Variants in RSPH3 observed in about 807,000 individuals in gnomAD.
The protein encoded by RSPH3 is radial spoke head protein 3 homolog.
Under a neutral mutation model 43.8 loss-of-function variants are expected in RSPH3, and 21 were observed. The observed-to-expected ratio is 0.48, with a 90% confidence interval of 0.34 to 0.69. The LOEUF (loss-of-function observed/expected upper bound fraction) is 0.69. Ranked by LOEUF, RSPH3 falls within the 30% of genes least tolerant of loss-of-function variation. The pLI is 0.01. For synonymous variants in RSPH3, 173 were observed against 179.8 expected (o/e 0.96, Z 0.30); for missense variants, 487 against 516.0 (o/e 0.94, Z 0.54).
At chr6:158,967,880 T>C (rs747341993), downstream of RSPH3, among the ~76,000 whole-genome samples, 39 of 152,248 alleles carry the variant, frequency 2.6e-4, no homozygotes, top group Admixed American at 1.9e-3. Context: ...CTGAGATTAA[T>C]GTAGCTACCC....
Position 158,980,892 on chromosome 6 carries a change from G to T in RSPH3, c.741C>A (p.Asn247Lys), listed in dbSNP as rs567118747. 2 of 1,614,102 alleles carry T rather than the reference G, an allele frequency of 1.2e-6. No homozygotes were observed. The highest frequency in any genetic ancestry group is 1.7e-5 in the Admixed American group (1 of 60,018). The change falls in exon 6 of 8, where the codon AAC becomes AAA. Residue 247 changes from asparagine to lysine, a missense_variant. By Grantham distance (94) the Asn-to-Lys change is moderately conservative. Coordinates refer to ENST00000367069, the MANE Select transcript of RSPH3 (RefSeq NM_031924.8). ...KQQWEIMHKH[N>K]ETSQKIAARA... The stretch of plus-strand genomic sequence containing the variant: ...GGGCGGCGATTTTTTGTGATGTCTC[G>T]TTGTGCTTGTGCATTATTTCCCACT...
chr6:158,979,307 T>C (rs777219808), intron 6 of RSPH3, among the ~76,000 whole-genome samples: 16 of 152,216 alleles, frequency 1.1e-4, no homozygotes, highest in Non-Finnish European at 1.6e-4. Context: ...AATTTTTATC[T>C]CAGGTATGAA....
chr6:158,977,210 AC>A lies in RSPH3; in HGVS notation c.*327del, dbSNP rs1777872601. On this transcript the variant is annotated 3_prime_UTR_variant, in exon 8 of 8. Transcript: ENST00000367069. ...ATATTGAACATTAAATATCATACTT[AC>A]TAAAAAAAACTAACCCGCAAAATTA... is the stretch of plus-strand genomic sequence containing the variant. 4.0e-6 allele frequency: 1 copy of A among 251,874 alleles called. No homozygotes were observed. Among genetic ancestry groups the A allele is most frequent in the African/African-American group, 2.3e-5 (1 of 44,272 alleles). The allele number at this position is 251,874 out of a possible 1,614,324, so 15.6% of individuals were successfully genotyped here.
chr6:158,982,762 G>C (rs1644123665), intron 4 of RSPH3, 74 bp from the exon 5 acceptor site: 6 of 857,964 alleles, frequency 7.0e-6, no homozygotes, highest in Non-Finnish European at 9.3e-6. Flanking sequence ...ATAATGAATA[G>C]CAATAACAAG....
At chr6:158,986,881 T>G (rs1053361929) in intron 2 of RSPH3, among the ~76,000 whole-genome samples, 4 of 152,196 alleles carry the variant, frequency 2.6e-5, no homozygotes, top group African/African-American at 9.7e-5. Context: ...TGGCCTAAGA[T>G]ATGGTCTATT....
At chr6:158,992,050 GTTTT>G (rs1214613827) in intron 2 of RSPH3, among the ~76,000 whole-genome samples, 2 of 113,810 alleles carry the variant, frequency 1.8e-5, no homozygotes, top group African/African-American at 6.5e-5. Context: ...AATGAGCACT[GTTTT>G]TTTTTTTTTT....
chr6:158,966,958 T>C, the RSPH3 span, among the ~76,000 whole-genome samples: 2 of 152,146 alleles, frequency 1.3e-5, no homozygotes, highest in Admixed American at 6.5e-5. Context: ...CTTTCAGAGT[T>C]ATAAATTTCT....
chr6:158,987,461 C>T (rs1015680853), intron 2 of RSPH3, among the ~76,000 whole-genome samples: 1 of 152,126 alleles, frequency 6.6e-6, no homozygotes, highest in African/African-American at 2.4e-5. Context: ...CTCTTACATT[C>T]AGTGTTATTA....
At chr6:158,980,959 T>C (rs1281656425) in intron 5 of RSPH3, 23 bp from the exon 6 acceptor site, 1 of 1,612,094 alleles carries the variant, frequency 6.2e-7, no homozygotes, top group South Asian at 1.1e-5. Context: ...ACAGAGGTGG[T>C]TATTTAGCTC....
intron 5 of RSPH3, among the ~76,000 whole-genome samples, chr6:158,982,044 C>T (rs571719407): frequency 3.9e-5 from 6 of 152,102 alleles, no homozygotes; most frequent in Non-Finnish European, 5.9e-5. Flanking sequence ...GCCTGGTCAC[C>T]GAGAAAAAGA....
intron 5 of RSPH3, among the ~76,000 whole-genome samples, chr6:158,981,989 G>A (rs140468035): frequency 1.1e-3 from 170 of 151,298 alleles, no homozygotes; most frequent in Admixed American, 2.2e-3. Flanking sequence ...AATATTCTAC[G>A]AGAACCCAAA....
chr6:158,983,333 C>G (rs10455773), intron 4 of RSPH3, among the ~76,000 whole-genome samples: 2,710 of 151,934 alleles, frequency 0.018, 34 homozygotes, highest in Middle Eastern at 0.024. Flanking sequence ...ATTTTTTATA[C>G]CAGGGATATT....
In RSPH3 at chr6:158,977,788, T is replaced by A. The variant is rs748358728; in HGVS notation, c.1007A>T (p.His336Leu). 1 of 1,614,230 alleles carries A rather than the reference T, an allele frequency of 6.2e-7. No individual in the cohort carries two copies. Among genetic ancestry groups the A allele is most frequent in the South Asian group, 1.1e-5 (1 of 91,080 alleles). The change falls in exon 8 of 8, where the codon CAT becomes CTT. Residue 336 changes from histidine to leucine, a missense_variant. Physicochemically the swap from His to Leu is moderately conservative, Grantham distance 99 (BLOSUM62 -3). Transcript: ENST00000367069. ...CTCATCCTCGGGTTCTGGAGACTGA[T>A]GTGTGTCTTCCCCATGCTCATACAT... ...LCMYEHGEDT[H>L]QSPEPEDEPG... is the part of the protein sequence containing the mutation.
chr6:158,964,097 T>C, the RSPH3 span, among the ~76,000 whole-genome samples: 1 of 152,180 alleles, frequency 6.6e-6, no homozygotes, highest in Non-Finnish European at 1.5e-5. Context: ...TCCAAGACTT[T>C]TGGGTTCCAC....
rs1261469567 is a variant in RSPH3, at chr6:159,000,006, T to G, written c.-456A>C. 6.5e-7 allele frequency: 1 copy of G among 1,546,690 alleles called. No homozygotes were observed. The highest frequency in any genetic ancestry group is 8.7e-7 in the Non-Finnish European group (1 of 1,146,424). ...GAGGCCTGCGGGGCAACGGTGGCTG[T>G]CCTTGGCCCGGCTTTGGAATGTGGC... On this transcript the variant is annotated 5_prime_UTR_variant, in exon 1 of 8. Transcript: ENST00000367069.
chr6:158,981,913 C>A (rs1373502933), intron 5 of RSPH3, among the ~76,000 whole-genome samples: 2 of 152,046 alleles, frequency 1.3e-5, no homozygotes, highest in Non-Finnish European at 2.9e-5. Flanking sequence ...AGGCTACTGG[C>A]ACATGTAAAA....
rs574533598 is a variant in RSPH3, at chr6:158,982,828, T to C, written c.493-140A>G. ...AGACACTGTGCTGGTGCTTTATTCA[T>C]GGTTTCTAATCCTCAAAATGAACAA... On this transcript the variant is annotated intron_variant, in intron 4 of 7. Coordinates refer to ENST00000367069, the MANE Select transcript of RSPH3 (RefSeq NM_031924.8). 1.8e-5 allele frequency: 11 copies of C among 599,114 alleles called. No individual in the cohort carries two copies. In the South Asian group the frequency reaches 1.9e-4, roughly 10 times the overall value. The allele number at this position is 599,114 out of a possible 1,614,324, so 37.1% of individuals were successfully genotyped here. A position where few individuals can be genotyped will look rare whatever the true frequency, so the allele number is the denominator to read the frequency against.
chr6:158,995,480 C>T (rs1043068505), intron 1 of RSPH3, among the ~76,000 whole-genome samples: 6 of 152,194 alleles, frequency 3.9e-5, no homozygotes, highest in Admixed American at 1.3e-4. Context: ...AGACTGCCCT[C>T]ATTCCGTGGC....
At chr6:158,995,897 C>A (rs1251645006) in intron 1 of RSPH3, among the ~76,000 whole-genome samples, 1 of 152,150 alleles carries the variant, frequency 6.6e-6, no homozygotes, top group African/African-American at 2.4e-5. Flanking sequence ...CCGTGCCCAT[C>A]CTTCTTCTTT....
Sources: gnomAD v4.1 joint callset for allele counts (sites outside exome capture counted in the v4.1 genomes callset) on GRCh38, gnomAD v4.1.1 for gene constraint, MANE v1.5 for transcripts, NCBI Gene and HGNC (gene_info 2026-07-23, HGNC 2026-07-21) for gene names.